The following NOS2 variants were observed in gnomAD, a reference collection of about 807,000 sequenced individuals.
The protein encoded by NOS2 is nitric oxide synthase, inducible.
A neutral mutation model predicts 136.0 loss-of-function variants in NOS2; 96 were observed. That is an observed-to-expected ratio of 0.71 (90% confidence interval 0.60 to 0.84). The LOEUF (loss-of-function observed/expected upper bound fraction) is 0.84. Among genes scored for constraint, NOS2 ranks in the 40% least tolerant of loss-of-function variants. The probability of loss-of-function intolerance (pLI) is 0.00; values close to 1 mark genes in which losing one functional copy is unlikely to be tolerated. For missense variants in NOS2, 1,237 were observed against 1,496.9 expected, an observed-to-expected ratio of 0.83 and a Z score of 2.87; for synonymous variants, 539 against 587.5, an observed-to-expected ratio of 0.92 and a Z score of 1.20.
At chr17:27,771,832 AGATCCTCAGAG>A (rs1425819542) in intron 14 of NOS2, among the ~76,000 whole-genome samples, 5 of 152,240 alleles carry the variant, frequency 3.3e-5, no homozygotes, top group African/African-American at 1.2e-4. Flanking sequence ...ACCCACTGTC[AGATCCTCAGAG>A]CCCGGGGCTG....
At chr17:27,760,262 TC>T (rs1908075724) in intron 24 of NOS2, 84 bp from the exon 25 acceptor site, 2 of 1,357,034 alleles carry the variant, frequency 1.5e-6, no homozygotes, top group African/African-American at 1.5e-5. Flanking sequence ...CTCACTTCAC[TC>T]CCACTAGCTA....
chr17:27,774,910 G>A (rs1032065446), intron 11 of NOS2, among the ~76,000 whole-genome samples: 16 of 152,206 alleles, frequency 1.1e-4, no homozygotes, highest in Non-Finnish European at 1.8e-4. Context: ...AGACCCCTCC[G>A]TGGGGAGGTC....
chr17:27,775,347 C>T (rs1198775174), intron 11 of NOS2, among the ~76,000 whole-genome samples: 1 of 152,050 alleles, frequency 6.6e-6, no homozygotes, highest in East Asian at 1.9e-4. Flanking sequence ...CCTATAATCC[C>T]AGCACTTTGG....
intron 5 of NOS2, among the ~76,000 whole-genome samples, chr17:27,786,476 TTC>T (rs1179962825): frequency 6.6e-6 from 1 of 152,146 alleles, no homozygotes; most frequent in Non-Finnish European, 1.5e-5. Flanking sequence ...AACAATCCAT[TTC>T]TTTCAGACAT....
chr17:27,781,917 AGCTGG>A, intron 7 of NOS2, 93 bp downstream of exon 7: 1 of 589,388 alleles, frequency 1.7e-6, no homozygotes, highest in South Asian at 2.1e-5. Context: ...TTTCTCCTGG[AGCTGG>A]AGATGCCTCC....
Position 27,765,621 on chromosome 17 carries a change from G to T in NOS2, c.2342C>A (p.Pro781Gln). 1 of 1,613,112 alleles carries T rather than the reference G, an allele frequency of 6.2e-7. No homozygotes were observed. The highest frequency in any genetic ancestry group is 8.5e-7 in the Non-Finnish European group (1 of 1,179,940). Residue 781 changes from proline (P) to glutamine (Q), a missense_variant, in exon 20 of 27, where the codon CCG (proline) becomes CAG (glutamine). Physicochemically the swap from Pro to Gln is moderately conservative, Grantham distance 76. Transcript: ENST00000313735. ...CTCCAGGATACCTTGGACCAGGGCCGGCTGGTTGCCTGGGCAAACCCCAAG... is the reference window on the plus strand; with the variant it reads ...CTCCAGGATACCTTGGACCAGGGCCTGCTGGTTGCCTGGGCAAACCCCAAG... ...EHLGVCPGNQPALVQGILERV... is the reference protein window; with the variant it reads ...EHLGVCPGNQQALVQGILERV...
Position 27,782,010 on chromosome 17 carries a change from C to G in NOS2, c.722+5G>C. On this transcript the variant is annotated splice_donor_5th_base_variant and intron_variant, in intron 7 of 26. Coordinates refer to ENST00000313735, the MANE Select transcript of NOS2 (RefSeq NM_000625.4). ...CCTCTGCAGCCCTGGGAAATGTGCA[C>G]CGACCTGATGTTGCCATTGTTGGTG... 1 of 1,613,620 alleles carries G rather than the reference C, an allele frequency of 6.2e-7. No homozygotes were observed. Among genetic ancestry groups the G allele is most frequent in the Non-Finnish European group, 8.5e-7 (1 of 1,179,594 alleles).
chr17:27,757,467 T>C (rs1907965950), intron 26 of NOS2, 114 bp from the exon 27 acceptor site: 18 of 813,510 alleles, frequency 2.2e-5, no homozygotes, highest in South Asian at 2.0e-4. Flanking sequence ...TCCCAACTGT[T>C]ATACTTAGAT....
chr17:27,789,558 T>C, intron 3 of NOS2, 46 bp downstream of exon 3: 2 of 1,439,532 alleles, frequency 1.4e-6, no homozygotes, highest in Non-Finnish European at 2.0e-6. Flanking sequence ...TGCATCTGCC[T>C]GGACCAGGGA....
chr17:27,759,136 G>C (rs2151324067), intron 25 of NOS2, 61 bp from the exon 26 acceptor site: 1 of 1,256,504 alleles, frequency 8.0e-7, no homozygotes, highest in Admixed American at 2.9e-5. Flanking sequence ...CTTGCAGGCA[G>C]GCCTGCTGGC....
At chr17:27,787,623 C>T in intron 5 of NOS2, 55 bp downstream of exon 5, 2 of 1,336,672 alleles carry the variant, frequency 1.5e-6, no homozygotes. Context: ...TGGGTAGAGA[C>T]AGGAGAGCAG....
chr17:27,778,664 T>C (rs774053438), intron 11 of NOS2, 26 bp downstream of exon 11: 4 of 1,587,732 alleles, frequency 2.5e-6, no homozygotes, highest in Admixed American at 3.3e-5. Flanking sequence ...CAAAAAGTCT[T>C]CAGACTCACA....
intron 13 of NOS2, 50 bp downstream of exon 13, chr17:27,773,111 G>A: frequency 7.3e-7 from 1 of 1,370,118 alleles, no homozygotes; most frequent in Non-Finnish European, 1.0e-6. Flanking sequence ...TGACTAGAAG[G>A]GAGAGATATA....
chr17:27,765,486 G>C, intron 20 of NOS2, 49 bp downstream of exon 20: 2 of 1,505,920 alleles, frequency 1.3e-6, no homozygotes, highest in African/African-American at 2.8e-5. Context: ...AGCCAGGTGG[G>C]GCGGCCAGAG....
At chr17:27,759,511 C>G (rs893039162) in intron 25 of NOS2, among the ~76,000 whole-genome samples, 1 of 152,166 alleles carries the variant, frequency 6.6e-6, no homozygotes, top group Non-Finnish European at 1.5e-5. Flanking sequence ...GGACTCTCTG[C>G]TCCTGCTCCA....
At chr17:27,780,300 T>C (rs1408493672) in intron 9 of NOS2, among the ~76,000 whole-genome samples, 2 of 152,126 alleles carry the variant, frequency 1.3e-5, no homozygotes, top group Non-Finnish European at 2.9e-5. Flanking sequence ...TGCTACAGAG[T>C]AAATCTCAAT....
chr17:27,786,899 T>C (rs927137707), intron 5 of NOS2, among the ~76,000 whole-genome samples: 2 of 152,180 alleles, frequency 1.3e-5, no homozygotes, highest in African/African-American at 2.4e-5. Flanking sequence ...AAATGACAAT[T>C]AAAAATCTTT....
chr17:27,765,764 A>G, intron 19 of NOS2, 48 bp from the exon 20 acceptor site: 2 of 1,535,196 alleles, frequency 1.3e-6, no homozygotes, highest in South Asian at 1.3e-5. Context: ...GATTTCCTCC[A>G]GGGCTCCTTG....
Position 27,760,001 on chromosome 17 carries a change from T to A in NOS2, c.3159+29A>T, listed in dbSNP as rs142423584. 2.4e-3 allele frequency: 3,635 copies of A among 1,486,118 alleles called. 9 individuals carry two copies. Among genetic ancestry groups the A allele is most frequent in the Non-Finnish European group, 3.0e-3 (3,393 of 1,115,294 alleles). The allele number at this position is 1,486,118 out of a possible 1,614,324, so 92.1% of individuals were successfully genotyped here. A position where few individuals can be genotyped will look rare whatever the true frequency, so the allele number is the denominator to read the frequency against. On this transcript the variant is annotated intron_variant, in intron 25 of 26. Coordinates refer to ENST00000313735, the MANE Select transcript of NOS2 (RefSeq NM_000625.4). ...CTCACAGTGGAGCTTGTGTGTGTAA[T>A]GCTTCACCTGCTTTGAGGCTGCATT... is the stretch of plus-strand genomic sequence containing the variant.
Sources: allele counts gnomAD v4.1 joint callset (sites outside exome capture counted in the v4.1 genomes callset), GRCh38; gene constraint gnomAD v4.1.1; transcripts MANE v1.5; gene names NCBI Gene and HGNC (gene_info 2026-07-23, HGNC 2026-07-21).